Variants in GABBR2 observed in about 807,000 individuals in gnomAD.
GABBR2 encodes G-protein coupled receptor 51.
A neutral mutation model predicts 105.6 loss-of-function variants in GABBR2; 23 were observed. That is an observed-to-expected ratio of 0.22 (90% CI 0.16 to 0.31). The LOEUF is 0.31. Ranked by LOEUF, GABBR2 falls within the 10% of genes least tolerant of loss-of-function variation. The pLI is 1.00. For missense variants in GABBR2, 734 were observed against 1,245.5 expected (o/e 0.59, Z 6.18); for synonymous variants, 478 against 499.7 (o/e 0.96, Z 0.58).
At chr9:98,334,844 C>T (rs1297173643) in intron 13 of GABBR2, among the ~76,000 whole-genome samples, 3 of 152,200 alleles carry the variant, frequency 2.0e-5, no homozygotes, top group Non-Finnish European at 4.4e-5. Flanking sequence ...AATCCACTAT[C>T]GCTTTAGGGA....
intron 1 of GABBR2, among the ~76,000 whole-genome samples, chr9:98,639,602 A>AAG (rs1190827043): frequency 6.6e-6 from 1 of 151,768 alleles, no homozygotes; most frequent in African/African-American, 2.4e-5. Flanking sequence ...GCATAGACAA[A>AAG]AAAAAAAAAA....
intron 3 of GABBR2, among the ~76,000 whole-genome samples, chr9:98,515,372 C>T (rs1443885650): frequency 6.6e-6 from 1 of 152,180 alleles, no homozygotes; most frequent in Non-Finnish European, 1.5e-5. Context: ...TCCACCTTTG[C>T]ACTTCAAGGT....
At chr9:98,669,507 T>G (rs1466088736) in intron 1 of GABBR2, among the ~76,000 whole-genome samples, 2 of 152,202 alleles carry the variant, frequency 1.3e-5, no homozygotes, top group Non-Finnish European at 2.9e-5. Context: ...TATTATATAT[T>G]AAATTATTGT....
At chr9:98,300,338 C>G (rs1018397351) in intron 16 of GABBR2, among the ~76,000 whole-genome samples, 8 of 151,440 alleles carry the variant, frequency 5.3e-5, no homozygotes, top group African/African-American at 1.9e-4. Context: ...AGAGACAAGT[C>G]TTCTCTATGT....
At chr9:98,323,930 C>G (rs1312494113) in intron 13 of GABBR2, among the ~76,000 whole-genome samples, 1 of 152,200 alleles carries the variant, frequency 6.6e-6, no homozygotes, top group African/African-American at 2.4e-5. Flanking sequence ...CTATTCTACT[C>G]TACTACAGCT....
chr9:98,563,184 T>C (rs945629161), intron 2 of GABBR2, among the ~76,000 whole-genome samples: 4 of 151,298 alleles, frequency 2.6e-5, no homozygotes, highest in Non-Finnish European at 5.9e-5. Context: ...AATCTATGAA[T>C]TCATGATGCT....
intron 4 of GABBR2, among the ~76,000 whole-genome samples, chr9:98,487,282 T>C (rs1827076161): frequency 6.6e-6 from 1 of 152,128 alleles, no homozygotes; most frequent in Admixed American, 6.6e-5. Flanking sequence ...CAGGATGGAC[T>C]CCTGGCCTGT....
intron 7 of GABBR2, among the ~76,000 whole-genome samples, chr9:98,446,443 G>A (rs1372656356): frequency 6.6e-6 from 1 of 152,176 alleles, no homozygotes; most frequent in Non-Finnish European, 1.5e-5. Flanking sequence ...TACATACACT[G>A]TGACCTGTTT....
intron 13 of GABBR2, among the ~76,000 whole-genome samples, chr9:98,351,473 T>C (rs1831398381): frequency 6.6e-6 from 1 of 152,238 alleles, no homozygotes; most frequent in Non-Finnish European, 1.5e-5. Flanking sequence ...CTCCCAGATG[T>C]AGGAATCCCT....
At chr9:98,708,315 G>T (rs1830928972) in intron 1 of GABBR2, 102 bp downstream of exon 1, 2 of 1,199,874 alleles carry the variant, frequency 1.7e-6, no homozygotes, top group Non-Finnish European at 2.2e-6. Flanking sequence ...GGCGCGGGCC[G>T]GTCAATCGGG....
chr9:98,708,263 G>A (rs1353969407), intron 1 of GABBR2, among the ~76,000 whole-genome samples, 154 bp downstream of exon 1: 2 of 150,088 alleles, frequency 1.3e-5, no homozygotes, highest in Admixed American at 6.6e-5. Context: ...CAGCAGGACC[G>A]CGGGGGTGAA....
intron 13 of GABBR2, among the ~76,000 whole-genome samples, chr9:98,317,413 C>G (rs1435712380): frequency 6.6e-6 from 1 of 152,226 alleles, no homozygotes; most frequent in African/African-American, 2.4e-5. Context: ...ATATCCCGCT[C>G]TGTCCGGCTG....
At chr9:98,358,706 T>C (rs1313765326) in intron 13 of GABBR2, among the ~76,000 whole-genome samples, 1 of 152,236 alleles carries the variant, frequency 6.6e-6, no homozygotes, top group African/African-American at 2.4e-5. Flanking sequence ...TGTGGGGTGC[T>C]GAGCCATAGC....
At chr9:98,480,864 A>T (rs778046960) in intron 5 of GABBR2, 68 bp downstream of exon 5, 13 of 877,622 alleles carry the variant, frequency 1.5e-5, no homozygotes, top group Non-Finnish European at 2.0e-5. Context: ...GAGCAGGGAG[A>T]TAATGAGTAT....
At chr9:98,336,696 T>C (rs1831121953) in intron 13 of GABBR2, among the ~76,000 whole-genome samples, 4 of 152,210 alleles carry the variant, frequency 2.6e-5, no homozygotes, top group East Asian at 3.9e-4. Flanking sequence ...AGAGGGAGAC[T>C]CTGTCTCAAA....
At chr9:98,572,787 T>A (rs1053802477) in intron 2 of GABBR2, among the ~76,000 whole-genome samples, 1 of 152,168 alleles carries the variant, frequency 6.6e-6, no homozygotes, top group African/African-American at 2.4e-5. Flanking sequence ...ATCCACTCTC[T>A]TGGGCTCATC....
chr9:98,451,990 G>A (rs374730993), intron 7 of GABBR2, among the ~76,000 whole-genome samples: 22 of 152,254 alleles, frequency 1.4e-4, no homozygotes, highest in East Asian at 1.2e-3. Flanking sequence ...CTCTGGGCTC[G>A]GGCTTGGGCT....
intron 3 of GABBR2, among the ~76,000 whole-genome samples, chr9:98,502,770 T>C (rs1271115327): frequency 6.6e-6 from 1 of 152,214 alleles, no homozygotes; most frequent in African/African-American, 2.4e-5. Flanking sequence ...ATCTGAGCTC[T>C]TGCTTCATTC....
chr9:98,695,154 C>T (rs978673575), intron 1 of GABBR2, among the ~76,000 whole-genome samples: 5 of 152,186 alleles, frequency 3.3e-5, no homozygotes, highest in African/African-American at 4.8e-5. Flanking sequence ...ATCACTCATG[C>T]GAAACACATT....
Sources: allele counts gnomAD v4.1 joint callset (sites outside exome capture counted in the v4.1 genomes callset), GRCh38; gene constraint gnomAD v4.1.1; transcripts MANE v1.5; gene names NCBI Gene and HGNC (gene_info 2026-07-23, HGNC 2026-07-21).